The following GABRB1 variants were observed in gnomAD, a reference collection of about 807,000 sequenced individuals.
GABRB1 encodes the protein gamma-aminobutyric acid type A receptor subunit beta1, also known as gamma-aminobutyric acid receptor subunit beta-1.
Under a neutral mutation model 51.6 loss-of-function variants are expected in GABRB1, and 17 were observed. The ratio of observed to expected loss-of-function variants is 0.33; its 90% CI spans 0.23 to 0.49. The LOEUF (loss-of-function observed/expected upper bound fraction) is 0.49. Among genes scored for constraint, GABRB1 ranks in the 20% least tolerant of loss-of-function variants. The pLI is 0.99. For synonymous variants in GABRB1, 247 were observed against 218.9 expected, an observed-to-expected ratio of 1.13 and a Z score of -1.14; for missense variants, 410 against 600.6, an observed-to-expected ratio of 0.68 and a Z score of 3.32.
intron 3 of GABRB1, among the ~76,000 whole-genome samples, chr4:47,049,509 G>T (rs1245114535): frequency 2.6e-5 from 4 of 152,082 alleles, no homozygotes; most frequent in Admixed American, 6.5e-5. Context: ...AATATGTAAA[G>T]GTCAGATCAT....
At chr4:47,425,653 G>A in intron 8 of GABRB1, 21 bp from the exon 9 acceptor site, 3 of 1,565,900 alleles carry the variant, frequency 1.9e-6, no homozygotes, top group Non-Finnish European at 2.6e-6. Context: ...TTGTGTCCGA[G>A]CCTGTTCTTT....
At chr4:47,106,251 T>G (rs1320081333) in intron 3 of GABRB1, among the ~76,000 whole-genome samples, 1 of 152,054 alleles carries the variant, frequency 6.6e-6, no homozygotes, top group East Asian at 1.9e-4. Context: ...GGTAATTAAT[T>G]TCCTCAATAT....
intron 3 of GABRB1, among the ~76,000 whole-genome samples, chr4:47,137,893 C>G (rs1177466728): frequency 1.3e-5 from 2 of 151,952 alleles, no homozygotes; most frequent in East Asian, 1.9e-4. Context: ...CAAAGGAATG[C>G]AAAAACTAAT....
At chr4:47,167,174 G>A (rs1324952167) in intron 4 of GABRB1, among the ~76,000 whole-genome samples, 4 of 152,060 alleles carry the variant, frequency 2.6e-5, no homozygotes, top group Non-Finnish European at 5.9e-5. Context: ...GTTGTCAGCT[G>A]CAACATTTTC....
At chr4:47,333,239 C>CAT in intron 5 of GABRB1, among the ~76,000 whole-genome samples, 2 of 119,146 alleles carry the variant, frequency 1.7e-5, no homozygotes, top group East Asian at 5.0e-4. Context: ...TATATATACA[C>CAT]ACCACGTATT....
At chr4:47,146,273 T>C (rs908950132) in intron 3 of GABRB1, among the ~76,000 whole-genome samples, 2 of 152,018 alleles carry the variant, frequency 1.3e-5, no homozygotes, top group African/African-American at 4.8e-5. Flanking sequence ...AGATAATAAA[T>C]GCCTCTGTCT....
In GABRB1 at chr4:47,355,324, T is replaced by A. The variant is rs181136770; in HGVS notation, c.544+35115T>A. 4.4e-3 allele frequency among the ~76,000 whole-genome samples: 673 copies of A among 152,170 alleles called. 5 individuals carry two copies. The highest frequency in any genetic ancestry group is 0.012 in the African/African-American group (507 of 41,518). On this transcript the variant is annotated intron_variant, in intron 5 of 8. Coordinates refer to ENST00000295454, the MANE Select transcript of GABRB1 (RefSeq NM_000812.4). ...ACTCAAGGAAAACTTCTTTTTTTTTTAATTATACTTTAAGTTCTAGGGTAC... is the reference window on the plus strand; with the variant it reads ...ACTCAAGGAAAACTTCTTTTTTTTTAAATTATACTTTAAGTTCTAGGGTAC...
chr4:47,254,665 C>T (rs552385175), intron 4 of GABRB1, among the ~76,000 whole-genome samples: 1 of 152,008 alleles, frequency 6.6e-6, no homozygotes, highest in South Asian at 2.1e-4. Flanking sequence ...AGCCACCATG[C>T]CCAGCCAAGG....
chr4:47,084,338 T>C (rs1054927889), intron 3 of GABRB1, among the ~76,000 whole-genome samples: 1 of 152,214 alleles, frequency 6.6e-6, no homozygotes, highest in Non-Finnish European at 1.5e-5. Flanking sequence ...GTATAACTTA[T>C]CACCACAGAA....
chr4:47,126,509 G>T (rs553355931), intron 3 of GABRB1, among the ~76,000 whole-genome samples: 44 of 152,194 alleles, frequency 2.9e-4, no homozygotes, highest in African/African-American at 9.9e-4. Flanking sequence ...TGTATTTTAA[G>T]ACACCATTTT....
Position 47,048,966 on chromosome 4 carries a change from TA to T in GABRB1, c.240+16484del, listed in dbSNP as rs1407137567. On this transcript the variant is annotated intron_variant, in intron 3 of 8. Coordinates refer to ENST00000295454, the MANE Select transcript of GABRB1 (RefSeq NM_000812.4). ...GAATTTCAGGCCTCAAAACAAGCCA[TA>T]AGGAAGGAAAGTGGTTGCTGTTCTT... Among the ~76,000 whole-genome samples the T allele has an allele frequency of 2.4e-4, 36 of 151,564 alleles. No homozygotes were observed. The South Asian group carries it at 3.1e-3, about 13-fold the overall frequency.
intron 3 of GABRB1, among the ~76,000 whole-genome samples, chr4:47,050,468 C>T (rs1726298516): frequency 6.6e-6 from 1 of 151,648 alleles, no homozygotes; most frequent in Non-Finnish European, 1.5e-5. Context: ...TTAAGAGCTG[C>T]TTGTTAGAAG....
chr4:47,099,847 C>A (rs1714644882), intron 3 of GABRB1, among the ~76,000 whole-genome samples: 1 of 151,888 alleles, frequency 6.6e-6, no homozygotes, highest in Non-Finnish European at 1.5e-5. Context: ...AAAAAACAAC[C>A]AAACACTCCT....
At chr4:47,233,825 T>G (rs1721229422) in intron 4 of GABRB1, among the ~76,000 whole-genome samples, 1 of 152,244 alleles carries the variant, frequency 6.6e-6, no homozygotes, top group Non-Finnish European at 1.5e-5. Context: ...ACACAAATAG[T>G]GTATTTTATT....
At chr4:47,091,868 C>A (rs958997438) in intron 3 of GABRB1, among the ~76,000 whole-genome samples, 8 of 152,174 alleles carry the variant, frequency 5.3e-5, no homozygotes, top group African/African-American at 1.7e-4. Context: ...CAGCTACCTC[C>A]CGCTGTTAGT....
At chr4:47,247,290 T>C (rs1158727128) in intron 4 of GABRB1, among the ~76,000 whole-genome samples, 1 of 152,144 alleles carries the variant, frequency 6.6e-6, no homozygotes, top group African/African-American at 2.4e-5. Flanking sequence ...TTTTCCCCAC[T>C]TTATGTTTTG....
intron 1 of GABRB1, among the ~76,000 whole-genome samples, chr4:46,999,273 T>C (rs1724106398): frequency 6.6e-6 from 1 of 152,164 alleles, no homozygotes; most frequent in Non-Finnish European, 1.5e-5. Context: ...GAATATAATG[T>C]CATGTCTTGT....
chr4:47,252,642 G>A (rs1177354062), intron 4 of GABRB1, among the ~76,000 whole-genome samples: 1 of 151,016 alleles, frequency 6.6e-6, no homozygotes, highest in African/African-American at 2.4e-5. Flanking sequence ...CAAGTAGCTG[G>A]GGTTACAGGC....
At chr4:47,222,877 G>A (rs562676970) in intron 4 of GABRB1, among the ~76,000 whole-genome samples, 1 of 152,126 alleles carries the variant, frequency 6.6e-6, no homozygotes, top group South Asian at 2.1e-4. Flanking sequence ...TTCTTTGCAA[G>A]CAAACATTCT....
Sources: gnomAD v4.1 joint callset for allele counts (sites outside exome capture counted in the v4.1 genomes callset) on GRCh38, gnomAD v4.1.1 for gene constraint, MANE v1.5 for transcripts, NCBI Gene and HGNC (gene_info 2026-07-23, HGNC 2026-07-21) for gene names.